Variants in LRRC4C observed in about 807,000 individuals in gnomAD.
LRRC4C encodes the protein leucine rich repeat containing 4C, also known as leucine-rich repeat-containing protein 4C.
Under a neutral mutation model 33.6 loss-of-function variants are expected in LRRC4C, and 5 were observed. The ratio of observed to expected loss-of-function variants is 0.15; its 90% confidence interval spans 0.08 to 0.31. LRRC4C has a LOEUF of 0.31. LRRC4C is among the 10% of genes least tolerant of loss of function. The probability of loss-of-function intolerance (pLI) is 1.00; values close to 1 mark genes in which losing one functional copy is unlikely to be tolerated. For synonymous variants in LRRC4C, 329 were observed against 302.0 expected (o/e 1.09, Z -0.93); for missense variants, 560 against 796.7 (o/e 0.70, Z 3.58).
intron 1 of LRRC4C, among the ~76,000 whole-genome samples, chr11:40,955,917 G>T (rs924892843): frequency 2.0e-5 from 3 of 151,792 alleles, no homozygotes; most frequent in Non-Finnish European, 1.5e-5. Flanking sequence ...AGTGAATCAA[G>T]TTCCATAGGG....
At chr11:40,446,605 A>G (rs369342774) in intron 3 of LRRC4C, 1 of 152,130 alleles carries the variant, frequency 6.6e-6, no homozygotes, top group East Asian at 1.9e-4. Flanking sequence ...TCAAATTGCT[A>G]TAAGGAAATA....
intron 1 of LRRC4C, among the ~76,000 whole-genome samples, chr11:41,188,546 A>G (rs1216524589): frequency 6.6e-6 from 1 of 152,040 alleles, no homozygotes; most frequent in Admixed American, 6.6e-5. Flanking sequence ...TCCTTTAATT[A>G]AGAACAATAA....
At chr11:41,207,952 A>G (rs1298981804) in intron 1 of LRRC4C, among the ~76,000 whole-genome samples, 3 of 152,184 alleles carry the variant, frequency 2.0e-5, no homozygotes, top group Non-Finnish European at 4.4e-5. Context: ...AGTCCAGGCT[A>G]GTAAAAGCCT....
intron 6 of LRRC4C, among the ~76,000 whole-genome samples, chr11:40,126,381 G>T (rs982910944): frequency 7.2e-5 from 11 of 152,076 alleles, no homozygotes; most frequent in African/African-American, 2.4e-4. Flanking sequence ...TGACTACAGA[G>T]AACTATGTAC....
At position 40,266,618 on chromosome 11, in the gene LRRC4C, C is replaced by CACTGCTTTAAAGT. The variant is rs1234422921; in HGVS notation, c.-175-25021_-175-25020insACTTTAAAGCAGT. On this transcript the variant is annotated intron_variant, in intron 4 of 6. Coordinates refer to ENST00000528697, the MANE Select transcript of LRRC4C (RefSeq NM_001258419.2). Reference sequence around the variant, plus strand: ...CTGAAGTATTATGTATTACTTAAAGCACTGCTTTAAGTAATACATAATATG... The same window carrying CACTGCTTTAAAGT: ...CTGAAGTATTATGTATTACTTAAAGCACTGCTTTAAAGTACTGCTTTAAGTAATACATAATATG... 6.1e-4 allele frequency among the ~76,000 whole-genome samples: 93 copies of CACTGCTTTAAAGT among 152,100 alleles called. 3 individuals carry two copies. In the East Asian group the frequency reaches 0.017, roughly 28 times the overall value.
intron 4 of LRRC4C, among the ~76,000 whole-genome samples, chr11:40,311,149 C>T (rs186083376): frequency 3.3e-4 from 51 of 152,266 alleles, no homozygotes; most frequent in African/African-American, 1.0e-3. Context: ...GTGATCAAGG[C>T]GGAAGCCACC....
intron 5 of LRRC4C, among the ~76,000 whole-genome samples, chr11:40,219,510 G>C (rs1343573321): frequency 2.0e-5 from 3 of 152,100 alleles, no homozygotes; most frequent in Non-Finnish European, 2.9e-5. Flanking sequence ...ATAAATACCT[G>C]TTAAATGAGT....
At chr11:40,998,969 T>C (rs1854172229) in intron 1 of LRRC4C, among the ~76,000 whole-genome samples, 1 of 152,118 alleles carries the variant, frequency 6.6e-6, no homozygotes, top group East Asian at 1.9e-4. Context: ...AGTGCCAACA[T>C]GACATGAAGA....
chr11:40,380,529 T>A (rs1408004081), intron 3 of LRRC4C, among the ~76,000 whole-genome samples: 1 of 152,194 alleles, frequency 6.6e-6, no homozygotes, highest in Admixed American at 6.5e-5. Flanking sequence ...TTCATACTTA[T>A]GTGTGCACAC....
rs573493534 is a variant in LRRC4C at position 40,634,354 on chromosome 11, T to G, written c.-270+13788A>C. On this transcript the variant is annotated intron_variant, in intron 3 of 6. Coordinates refer to ENST00000528697, the MANE Select transcript of LRRC4C (RefSeq NM_001258419.2). ...TATATACACATATATGTGGTATATATGTCAAATAATCTTTAAGTTTGTTAC... is the reference window on the plus strand; with the variant it reads ...TATATACACATATATGTGGTATATAGGTCAAATAATCTTTAAGTTTGTTAC... Among the ~76,000 whole-genome samples the G allele has an allele frequency of 3.0e-4, 45 of 152,210 alleles. 1 individual carries two copies. The highest frequency in any genetic ancestry group is 5.7e-4 in the Non-Finnish European group (39 of 68,042).
intron 1 of LRRC4C, among the ~76,000 whole-genome samples, chr11:41,261,656 G>A (rs372068292): frequency 1.3e-4 from 20 of 152,184 alleles, no homozygotes; most frequent in South Asian, 6.2e-4. Context: ...GGGCTTGTAG[G>A]GGGCTATGGG....
chr11:41,271,552 C>T (rs537494238), intron 1 of LRRC4C, among the ~76,000 whole-genome samples: 1 of 151,454 alleles, frequency 6.6e-6, no homozygotes, highest in South Asian at 2.1e-4. Flanking sequence ...GAAGCTGCCC[C>T]TCATTAAACT....
At chr11:40,591,745 G>T (rs997694858) in intron 3 of LRRC4C, among the ~76,000 whole-genome samples, 1 of 152,172 alleles carries the variant, frequency 6.6e-6, no homozygotes, top group Non-Finnish European at 1.5e-5. Context: ...CCTTAACCTT[G>T]CTGGATTTAG....
intron 4 of LRRC4C, among the ~76,000 whole-genome samples, chr11:40,243,671 C>CTA (rs1866095663): frequency 6.7e-6 from 1 of 148,338 alleles, no homozygotes; most frequent in African/African-American, 2.5e-5. Context: ...CCTAGACATA[C>CTA]GGAAAAAACT....
At chr11:40,265,159 T>C (rs781419225) in intron 4 of LRRC4C, among the ~76,000 whole-genome samples, 3 of 152,222 alleles carry the variant, frequency 2.0e-5, no homozygotes, top group Non-Finnish European at 2.9e-5. Flanking sequence ...TAAAAAATTC[T>C]ATCAACATTT....
chr11:41,234,742 C>A (rs2136490741), intron 1 of LRRC4C, among the ~76,000 whole-genome samples: 1 of 151,966 alleles, frequency 6.6e-6, no homozygotes, highest in East Asian at 1.9e-4. Context: ...ATTATTTCTC[C>A]AAAAACTCAG....
At chr11:41,285,064 T>C (rs532814568) in intron 1 of LRRC4C, among the ~76,000 whole-genome samples, 1 of 152,210 alleles carries the variant, frequency 6.6e-6, no homozygotes, top group African/African-American at 2.4e-5. Flanking sequence ...CCAGGAAAAG[T>C]AGATTGTTGG....
intron 1 of LRRC4C, among the ~76,000 whole-genome samples, chr11:41,329,568 T>A (rs1300970137): frequency 6.6e-6 from 1 of 152,256 alleles, no homozygotes; most frequent in Non-Finnish European, 1.5e-5. Context: ...TTTTCAAATA[T>A]GTCTCCCTTT....
intron 1 of LRRC4C, among the ~76,000 whole-genome samples, chr11:41,158,023 G>T (rs577242504): frequency 1.3e-5 from 2 of 151,330 alleles, no homozygotes; most frequent in African/African-American, 4.9e-5. Flanking sequence ...ATTTATTTTT[G>T]CCTGTTGACC....
Sources: allele counts gnomAD v4.1 joint callset (sites outside exome capture counted in the v4.1 genomes callset), GRCh38; gene constraint gnomAD v4.1.1; transcripts MANE v1.5; gene names NCBI Gene and HGNC (gene_info 2026-07-23, HGNC 2026-07-21).